Variants in TMEM209 observed in about 807,000 individuals in gnomAD.
TMEM209 encodes testicular tissue protein Li 202.
A neutral mutation model predicts 76.2 loss-of-function variants in TMEM209; 65 were observed. That is an observed-to-expected ratio of 0.85 (90% confidence interval 0.70 to 1.05). The LOEUF is 1.05. TMEM209 is among the 50% of genes least tolerant of loss of function. The probability of loss-of-function intolerance (pLI) is 0.00; values close to 1 mark genes in which losing one functional copy is unlikely to be tolerated. For synonymous variants in TMEM209, 239 were observed against 237.6 expected, an observed-to-expected ratio of 1.01 and a Z score of -0.06; for missense variants, 623 against 685.5, an observed-to-expected ratio of 0.91 and a Z score of 1.02.
At chr7:130,195,550 T>C (rs1258046500) in intron 5 of TMEM209, among the ~76,000 whole-genome samples, 20 of 152,074 alleles carry the variant, frequency 1.3e-4, no homozygotes, top group Admixed American at 1.2e-3. Flanking sequence ...AATGAACTCT[T>C]GAATATAATG....
rs1254564061 is a variant in TMEM209, at chr7:130,203,771, G to A, written c.199+17C>T. The A allele has an allele frequency of 1.9e-6, 3 of 1,585,770 alleles. No homozygotes were observed. The highest frequency in any genetic ancestry group is 2.6e-6 in the Non-Finnish European group (3 of 1,164,540). Reference sequence around the variant, plus strand: ...TTTATTGGTAAATGTAAGTTACAGTGAAAATTACTTACTTACCAATATACC... The same window carrying A: ...TTTATTGGTAAATGTAAGTTACAGTAAAAATTACTTACTTACCAATATACC... On this transcript the variant is annotated intron_variant, in intron 3 of 14. Transcript: ENST00000397622.
intron 5 of TMEM209, among the ~76,000 whole-genome samples, chr7:130,193,686 G>A (rs1207061382): frequency 6.6e-6 from 1 of 151,898 alleles, no homozygotes; most frequent in African/African-American, 2.4e-5. Context: ...CAAAACTATG[G>A]CGGCAATTAA....
chr7:130,201,651 T>C (rs1216874181), intron 5 of TMEM209, among the ~76,000 whole-genome samples, 199 bp downstream of exon 5: 1 of 152,230 alleles, frequency 6.6e-6, no homozygotes, highest in Non-Finnish European at 1.5e-5. Context: ...GTTTGTTATC[T>C]CTGTAAATGC....
In TMEM209 at chr7:130,181,530, G is replaced by C. The variant is rs1397128180; in HGVS notation, c.1120+93C>G. The C allele has an allele frequency of 1.3e-5, 14 of 1,080,498 alleles. No individual in the cohort carries two copies. In the East Asian group the frequency reaches 3.6e-4, roughly 28 times the overall value. 66.9% of individuals were successfully genotyped at this position (1,080,498 alleles called of 1,614,324 possible). On this transcript the variant is annotated intron_variant, in intron 9 of 14. Coordinates refer to ENST00000397622, the MANE Select transcript of TMEM209 (RefSeq NM_032842.4). ...GACATTTGGGGTTTTTCACCCCAAG[G>C]TAACAAAATAAGTTAAGCCGTCCAT... is the stretch of plus-strand genomic sequence containing the variant.
intron 14 of TMEM209, among the ~76,000 whole-genome samples, chr7:130,167,713 GAACA>G (rs1354289168): frequency 3.3e-5 from 5 of 152,016 alleles, no homozygotes; most frequent in Non-Finnish European, 7.4e-5. Context: ...TTTGCAAGTA[GAACA>G]TTCATCTGAT....
chr7:130,202,440 C>T, intron 4 of TMEM209, 92 bp downstream of exon 4: 1 of 1,492,282 alleles, frequency 6.7e-7, no homozygotes, highest in Non-Finnish European at 9.0e-7. Flanking sequence ...GATGTCCCTT[C>T]CAGCTTTGAG....
intron 5 of TMEM209, among the ~76,000 whole-genome samples, chr7:130,193,863 T>C (rs1253540849): frequency 6.6e-6 from 1 of 151,846 alleles, no homozygotes; most frequent in Admixed American, 6.6e-5. Context: ...GCACTTTGGG[T>C]GATAATGACG....
chr7:130,184,053 A>G (rs1797511578), intron 8 of TMEM209, 131 bp downstream of exon 8: 2 of 568,436 alleles, frequency 3.5e-6, no homozygotes, highest in African/African-American at 3.8e-5. Flanking sequence ...TTATCCTTAT[A>G]TATGTACCAT....
In TMEM209 at chr7:130,170,541, A is replaced by G. The variant is rs1178013890; in HGVS notation, c.1558-68T>C. 1.5e-5 allele frequency: 18 copies of G among 1,215,468 alleles called. 1 individual carries two copies. Among genetic ancestry groups the G allele is most frequent in the South Asian group, 7.9e-5 (6 of 76,000 alleles). The allele number at this position is 1,215,468 out of a possible 1,614,324, so 75.3% of individuals were successfully genotyped here. On this transcript the variant is annotated intron_variant, in intron 13 of 14. Transcript: ENST00000397622. ...AAGATTCAATCTGGTAGGTAAATAC[A>G]TATCTTATCAATTCATATCCTACTA...
chr7:130,168,134 C>G (rs1261574730), intron 14 of TMEM209, among the ~76,000 whole-genome samples: 1 of 152,142 alleles, frequency 6.6e-6, no homozygotes, highest in African/African-American at 2.4e-5. Flanking sequence ...ATATGGCACT[C>G]AAACCTCATG....
chr7:130,173,636 G>C lies in TMEM209; in HGVS notation c.1553C>G (p.Pro518Arg). 6.2e-7 allele frequency: 1 copy of C among 1,608,872 alleles called. No individual in the cohort carries two copies. Among genetic ancestry groups the C allele is most frequent in the Non-Finnish European group, 8.5e-7 (1 of 1,176,694 alleles). Reference protein sequence around the residue: ...LIYQRHVYNLPKGRNNMFHTL... With the variant: ...LIYQRHVYNLRKGRNNMFHTL... ...ATCTTCTCTATATAGAAATACCTTT[G>C]GCAGGTTGTATACATGACGCTGGTA... The change falls in exon 13 of 15, where the codon CCA becomes CGA. Residue 518 changes from proline (P) to arginine (R), a missense_variant. Coordinates refer to ENST00000397622, the MANE Select transcript of TMEM209 (RefSeq NM_032842.4).
At chr7:130,172,343 T>C (rs1026203708) in intron 13 of TMEM209, among the ~76,000 whole-genome samples, 1 of 152,024 alleles carries the variant, frequency 6.6e-6, no homozygotes, top group Admixed American at 6.6e-5. Flanking sequence ...TTATTTATTT[T>C]ATTTTATTTA....
At chr7:130,177,736 T>C (rs1262782530) in intron 10 of TMEM209, among the ~76,000 whole-genome samples, 1 of 152,180 alleles carries the variant, frequency 6.6e-6, no homozygotes, top group Non-Finnish European at 1.5e-5. Context: ...CTATTTTTTC[T>C]AGTTTTGTGT....
At chr7:130,169,900 T>C (rs1173604990) in intron 14 of TMEM209, among the ~76,000 whole-genome samples, 1 of 152,192 alleles carries the variant, frequency 6.6e-6, no homozygotes, top group Non-Finnish European at 1.5e-5. Flanking sequence ...ATCATCAAAA[T>C]GACAATACTA....
chr7:130,182,491 A>G (rs1584677276), intron 8 of TMEM209, among the ~76,000 whole-genome samples: 1 of 152,308 alleles, frequency 6.6e-6, no homozygotes, highest in East Asian at 1.9e-4. Context: ...GGCTCACCCA[A>G]TTCCCTAACC....
At chr7:130,202,790 A>C (rs534262640) in intron 3 of TMEM209, 127 bp from the exon 4 acceptor site, 1 of 1,139,014 alleles carries the variant, frequency 8.8e-7, no homozygotes, top group Admixed American at 3.1e-5. Flanking sequence ...TAATTTAATG[A>C]ATGTTATGTG....
chr7:130,170,908 A>G (rs1797047409), intron 13 of TMEM209, among the ~76,000 whole-genome samples: 1 of 151,116 alleles, frequency 6.6e-6, no homozygotes. Flanking sequence ...AGCTCACCGC[A>G]ACCTCCATCT....
At chr7:130,166,990 C>A (rs541535957) in intron 14 of TMEM209, among the ~76,000 whole-genome samples, 1 of 152,064 alleles carries the variant, frequency 6.6e-6, no homozygotes, top group South Asian at 2.1e-4. Context: ...ACATATACTT[C>A]TCTTCCAGAG....
At chr7:130,182,482 G>GCTCACC (rs1456842966) in intron 8 of TMEM209, among the ~76,000 whole-genome samples, 23 of 152,228 alleles carry the variant, frequency 1.5e-4, no homozygotes, top group African/African-American at 5.3e-4. Flanking sequence ...CTCTCAGCAG[G>GCTCACC]CTCACCCAAT....
Sources: allele counts gnomAD v4.1 joint callset (sites outside exome capture counted in the v4.1 genomes callset), GRCh38; gene constraint gnomAD v4.1.1; transcripts MANE v1.5; gene names NCBI Gene and HGNC (gene_info 2026-07-23, HGNC 2026-07-21).